Variants in ATP11A observed in about 807,000 individuals in gnomAD.
ATP11A encodes phospholipid-transporting ATPase IH.
In ATP11A, 81 loss-of-function variants were observed where a neutral mutation model predicts 154.4. That is an observed-to-expected ratio of 0.52 (90% confidence interval 0.44 to 0.63). The LOEUF is 0.63. Among genes scored for constraint, ATP11A ranks in the 30% least tolerant of loss-of-function variants. The pLI, the probability that ATP11A is intolerant of heterozygous loss-of-function variation, is 0.00. For missense variants in ATP11A, 1,316 were observed against 1,474.3 expected, an observed-to-expected ratio of 0.89 and a Z score of 1.76; for synonymous variants, 623 against 585.9, an observed-to-expected ratio of 1.06 and a Z score of -0.91.
intron 1 of ATP11A, among the ~76,000 whole-genome samples, chr13:112,715,875 A>T (rs1356261884): frequency 6.6e-6 from 1 of 151,882 alleles, no homozygotes; most frequent in Middle Eastern, 3.4e-3. Flanking sequence ...GACAGAGTGT[A>T]TGGCCTTGAG....
Position 112,726,146 on chromosome 13 carries a change from G to A in ATP11A, c.39+35691G>A, listed in dbSNP as rs577973193. ...GAGGTGTATGCCGGGGATGGGGCAC[G>A]GCGTGCGTGCAGGGAGAGGGGCCAG... On this transcript the variant is annotated intron_variant, in intron 1 of 29. Coordinates refer to ENST00000375645, the MANE Select transcript of ATP11A (RefSeq NM_015205.3). 2.0e-4 allele frequency among the ~76,000 whole-genome samples: 30 copies of A among 152,114 alleles called. 1 individual carries two copies. The highest frequency in any genetic ancestry group is 1.4e-3 in the Admixed American group (22 of 15,280).
chr13:112,832,573 C>T (rs977499077), intron 13 of ATP11A, among the ~76,000 whole-genome samples: 2 of 152,032 alleles, frequency 1.3e-5, no homozygotes, highest in Non-Finnish European at 2.9e-5. Context: ...GGTCACTTGC[C>T]ATTTCTGAGC....
At chr13:112,858,091 C>G (rs2079985831) in intron 21 of ATP11A, 54 bp from the exon 22 acceptor site, 2 of 1,598,180 alleles carry the variant, frequency 1.3e-6, no homozygotes, top group African/African-American at 2.7e-5. Context: ...CGTCCCTGCC[C>G]TGTGTGTGGT....
At chr13:112,879,441 T>G (rs945433922) in intron 29 of ATP11A, among the ~76,000 whole-genome samples, 4 of 152,228 alleles carry the variant, frequency 2.6e-5, no homozygotes, top group Non-Finnish European at 2.9e-5. Flanking sequence ...ATTAGGAACA[T>G]TTTAATGACT....
At chr13:112,733,179 G>A (rs1449500990) in intron 1 of ATP11A, among the ~76,000 whole-genome samples, 1 of 152,120 alleles carries the variant, frequency 6.6e-6, no homozygotes, top group African/African-American at 2.4e-5. Context: ...TTTTCTCCTT[G>A]TCCATGCGCT....
chr13:112,755,136 C>T (rs1428537218), intron 1 of ATP11A, among the ~76,000 whole-genome samples: 1 of 141,148 alleles, frequency 7.1e-6, no homozygotes, highest in African/African-American at 2.5e-5. Context: ...CACGTGTCCC[C>T]AAACAGTTAC....
chr13:112,778,004 G>A (rs182727923), intron 1 of ATP11A, among the ~76,000 whole-genome samples: 1 of 152,356 alleles, frequency 6.6e-6, no homozygotes, highest in East Asian at 1.9e-4. Flanking sequence ...CCTCTGTCTG[G>A]AAGGCATGCT....
At chr13:112,730,123 A>G (rs577700937) in intron 1 of ATP11A, among the ~76,000 whole-genome samples, 1 of 152,318 alleles carries the variant, frequency 6.6e-6, no homozygotes, top group African/African-American at 2.4e-5. Flanking sequence ...AACCCTTCGC[A>G]GCGGCCCACA....
chr13:112,853,727 C>T (rs1004521712), intron 18 of ATP11A, among the ~76,000 whole-genome samples: 4 of 152,222 alleles, frequency 2.6e-5, no homozygotes, highest in African/African-American at 9.7e-5. Context: ...GTCACACAGG[C>T]CTGGCATGTG....
chr13:112,859,593 CG>C lies in ATP11A; in HGVS notation c.2727+146del. The C allele has an allele frequency of 2.0e-6, 1 of 493,056 alleles. No individual in the cohort carries two copies. The highest frequency in any genetic ancestry group is 4.0e-6 in the Non-Finnish European group (1 of 250,804). 30.5% of individuals were successfully genotyped at this position (493,056 alleles called of 1,614,324 possible). ...GGGAGCCAGGGTGCCCAGCAGCAGG[CG>C]GGGGTGAAGGGTCGGGCCTGGGGAG... On this transcript the variant is annotated intron_variant, in intron 23 of 29. Transcript: ENST00000375645. This position sits in a 1 kb window ranked among gnomAD's most constrained non-coding sequence, Gnocchi z 4.3.
intron 25 of ATP11A, among the ~76,000 whole-genome samples, chr13:112,864,907 G>T (rs192488498): frequency 2.1e-5 from 1 of 48,676 alleles, no homozygotes; most frequent in African/African-American, 6.0e-5. Context: ...TCCCAGCGGG[G>T]TCCATCACCA....
intron 2 of ATP11A, among the ~76,000 whole-genome samples, chr13:112,803,110 TA>T (rs1432545398): frequency 6.6e-6 from 1 of 152,210 alleles, no homozygotes; most frequent in Non-Finnish European, 1.5e-5. Context: ...TAAGGAACTT[TA>T]TTGTGAAAGG....
chr13:112,804,794 G>A (rs1422083847), intron 2 of ATP11A, among the ~76,000 whole-genome samples, 163 bp from the exon 3 acceptor site: 1 of 152,044 alleles, frequency 6.6e-6, no homozygotes, highest in African/African-American at 2.4e-5. Flanking sequence ...TGTTTAAGCT[G>A]TCTTAGCTGT....
intron 5 of ATP11A, among the ~76,000 whole-genome samples, chr13:112,815,047 G>A (rs1159037386): frequency 1.3e-5 from 2 of 152,206 alleles, no homozygotes; most frequent in Non-Finnish European, 2.9e-5. Flanking sequence ...AGCAGGTGAC[G>A]CCCTGATCCT....
Position 112,859,159 on chromosome 13 carries a change from G to A in ATP11A, c.2668-234G>A. 1 of 536,062 alleles carries A rather than the reference G, an allele frequency of 1.9e-6. No individual in the cohort carries two copies. 33.2% of individuals were successfully genotyped at this position (536,062 alleles called of 1,614,324 possible). A position where few individuals can be genotyped will look rare whatever the true frequency, so the allele number is the denominator to read the frequency against. On this transcript the variant is annotated intron_variant, in intron 22 of 29. Coordinates refer to ENST00000375645, the MANE Select transcript of ATP11A (RefSeq NM_015205.3). This position sits in a 1 kb window ranked among gnomAD's most constrained non-coding sequence, Gnocchi z 4.3. The stretch of plus-strand genomic sequence containing the variant: ...CTGCATTGCCTTCTTGTTTCTCTTG[G>A]AGCTGACAAATTTCCTCTATACGTT...
chr13:112,856,276 G>C (rs2079921381), intron 20 of ATP11A, 191 bp downstream of exon 20: 1 of 569,462 alleles, frequency 1.8e-6, no homozygotes, highest in African/African-American at 1.9e-5. Context: ...TGTGATTAGT[G>C]GGTGATGACC....
chr13:112,824,456 C>A (rs759669443), intron 10 of ATP11A, 31 bp downstream of exon 10: 14 of 1,598,606 alleles, frequency 8.8e-6, no homozygotes, highest in Non-Finnish European at 1.2e-5. Context: ...GAACCTGCAA[C>A]TTAAAAGTGT....
At chr13:112,787,175 C>T (rs927991597) in intron 2 of ATP11A, among the ~76,000 whole-genome samples, 13 of 144,068 alleles carry the variant, frequency 9.0e-5, no homozygotes, top group Non-Finnish European at 1.3e-4. Flanking sequence ...GATGCGTAGA[C>T]CCCTGTGGAG....
chr13:112,849,040 C>T (rs2079688182), intron 17 of ATP11A, among the ~76,000 whole-genome samples: 1 of 152,158 alleles, frequency 6.6e-6, no homozygotes, highest in Admixed American at 6.5e-5. Flanking sequence ...CTTCTCTCCC[C>T]AGTTTATTAA....
Sources: gnomAD v4.1 joint callset for allele counts (sites outside exome capture counted in the v4.1 genomes callset) on GRCh38, gnomAD v4.1.1 for gene constraint, Gnocchi (gnomAD v3.1) non-coding constraint, MANE v1.5 for transcripts, NCBI Gene and HGNC (gene_info 2026-07-23, HGNC 2026-07-21) for gene names.